The following RBM47 variants were observed in gnomAD, a reference collection of about 807,000 sequenced individuals.
RBM47 encodes RNA-binding protein 47.
Under a neutral mutation model 47.1 loss-of-function variants are expected in RBM47, and 21 were observed. The observed-to-expected ratio is 0.45, with a 90% confidence interval of 0.32 to 0.64. The LOEUF (loss-of-function observed/expected upper bound fraction) is 0.64, where lower values mean the gene tolerates loss of function less well. Among genes scored for constraint, RBM47 ranks in the 30% least tolerant of loss-of-function variants. RBM47 has a pLI of 0.05. For missense variants in RBM47, 708 were observed against 870.9 expected (o/e 0.81, Z 2.35); for synonymous variants, 375 against 361.7 (o/e 1.04, Z -0.42).
At chr4:40,469,650 G>GTT (rs1264747709) in intron 2 of RBM47, among the ~76,000 whole-genome samples, 3 of 150,474 alleles carry the variant, frequency 2.0e-5, no homozygotes, top group Non-Finnish European at 4.4e-5. Flanking sequence ...TGTGTTTGGA[G>GTT]TTATTCTGGA....
chr4:40,619,756 G>A (rs1252171990), intron 1 of RBM47, among the ~76,000 whole-genome samples: 1 of 152,188 alleles, frequency 6.6e-6, no homozygotes, highest in African/African-American at 2.4e-5. Context: ...CTACTATTGT[G>A]TAGTACCTGT....
chr4:40,534,268 G>A lies in RBM47; in HGVS notation c.-155+10154C>T, dbSNP rs746426725. On this transcript the variant is annotated intron_variant, in intron 2 of 6. Coordinates refer to ENST00000295971, the MANE Select transcript of RBM47 (RefSeq NM_001098634.2). Reference sequence around the variant, plus strand: ...GGCCTGAGCCACCATGCCTAGCCTGGTAATTTTTTAAAATTCACAACATGA... The same window carrying A: ...GGCCTGAGCCACCATGCCTAGCCTGATAATTTTTTAAAATTCACAACATGA... 6.1e-4 allele frequency among the ~76,000 whole-genome samples: 92 copies of A among 151,880 alleles called. No individual in the cohort carries two copies. In the Middle Eastern group the frequency reaches 0.01, roughly 17 times the overall value.
chr4:40,536,634 G>T (rs958518274), intron 2 of RBM47, among the ~76,000 whole-genome samples: 1 of 151,886 alleles, frequency 6.6e-6, no homozygotes, highest in African/African-American at 2.4e-5. Context: ...GTAGGTAATT[G>T]TCTGCTTCCC....
At chr4:40,582,738 C>G (rs1448173032) in intron 1 of RBM47, among the ~76,000 whole-genome samples, 4 of 152,114 alleles carry the variant, frequency 2.6e-5, no homozygotes, top group Admixed American at 6.6e-5. Context: ...TTGCACTGAG[C>G]CCTCTACCTG....
At chr4:40,589,873 G>C (rs1352570352) in intron 1 of RBM47, among the ~76,000 whole-genome samples, 1 of 152,176 alleles carries the variant, frequency 6.6e-6, no homozygotes, top group Non-Finnish European at 1.5e-5. Context: ...TAAGTACCTG[G>C]AGGGGCAACA....
At chr4:40,516,052 C>G (rs1280140196) in intron 2 of RBM47, 5 of 152,480 alleles carry the variant, frequency 3.3e-5, no homozygotes, top group African/African-American at 1.2e-4. Context: ...CCTCCCCGCC[C>G]CCCAGCCCTG....
At chr4:40,461,443 T>G (rs566319404) in intron 3 of RBM47, among the ~76,000 whole-genome samples, 1 of 152,350 alleles carries the variant, frequency 6.6e-6, no homozygotes, top group South Asian at 2.1e-4. Flanking sequence ...GTCTGTCTTA[T>G]CCCATCCTAC....
At chr4:40,466,779 G>GC (rs1447793534) in intron 2 of RBM47, 80 bp from the exon 3 acceptor site, 6 of 110,732 alleles carry the variant, frequency 5.4e-5, no homozygotes, top group Admixed American at 1.1e-4. Context: ...ATTGGGGGGG[G>GC]GGGGGCAGAT....
At chr4:40,594,485 G>A (rs1734574238) in intron 1 of RBM47, among the ~76,000 whole-genome samples, 1 of 144,912 alleles carries the variant, frequency 6.9e-6, no homozygotes, top group Admixed American at 7.2e-5. Flanking sequence ...TCTTACTGGG[G>A]AGGAGCATAT....
chr4:40,451,897 C>T (rs1715498386), intron 3 of RBM47, among the ~76,000 whole-genome samples: 1 of 152,148 alleles, frequency 6.6e-6, no homozygotes, highest in South Asian at 2.1e-4. Flanking sequence ...AGGCCAGGAA[C>T]AGTGGCTCAT....
intron 2 of RBM47, chr4:40,514,896 C>A (rs1016023160): frequency 5.3e-5 from 8 of 151,820 alleles, no homozygotes; most frequent in African/African-American, 1.9e-4. Flanking sequence ...TGTTCTAATC[C>A]TCAAACAAGT....
chr4:40,501,450 A>G (rs1463288802), intron 2 of RBM47, among the ~76,000 whole-genome samples: 1 of 152,274 alleles, frequency 6.6e-6, no homozygotes, highest in African/African-American at 2.4e-5. Context: ...CATCTAGGCC[A>G]GTGCCATCCA....
At chr4:40,557,218 T>G (rs747521124) in intron 1 of RBM47, among the ~76,000 whole-genome samples, 1 of 152,114 alleles carries the variant, frequency 6.6e-6, no homozygotes. Flanking sequence ...CAGGGAAGCC[T>G]TCCCCAATGC....
chr4:40,534,510 G>T (rs1727727422), intron 2 of RBM47, among the ~76,000 whole-genome samples: 2 of 149,966 alleles, frequency 1.3e-5, no homozygotes, highest in African/African-American at 4.9e-5. Context: ...TAGATTCCAT[G>T]ATTTTCAATG....
chr4:40,627,932 C>T (rs1052596987), intron 1 of RBM47, among the ~76,000 whole-genome samples: 3 of 152,174 alleles, frequency 2.0e-5, no homozygotes, highest in African/African-American at 7.2e-5. Flanking sequence ...CTCAATCCTA[C>T]AAACTTCTGT....
At chr4:40,501,833 A>G (rs1266346714) in intron 2 of RBM47, among the ~76,000 whole-genome samples, 1 of 152,218 alleles carries the variant, frequency 6.6e-6, no homozygotes, top group Admixed American at 6.5e-5. Flanking sequence ...ATGTGTGATC[A>G]ACTTTTCTCA....
At chr4:40,490,651 C>CACTACTCAGGAGGCT in intron 2 of RBM47, among the ~76,000 whole-genome samples, 1 of 151,432 alleles carries the variant, frequency 6.6e-6, no homozygotes, top group African/African-American at 2.4e-5. Context: ...GGCGCCTGGC[C>CACTACTCAGGAGGCT]GAGACATAAG....
At chr4:40,501,822 A>C (rs1204520767) in intron 2 of RBM47, among the ~76,000 whole-genome samples, 1 of 152,214 alleles carries the variant, frequency 6.6e-6, no homozygotes, top group African/African-American at 2.4e-5. Context: ...CACTATTAGA[A>C]ATGTGTGATC....
chr4:40,423,712 CT>C lies in RBM47; in HGVS notation c.*2191del, dbSNP rs36086958. ...TCTTTCTTTCTTTCTTTCTTTCTTT[CT>C]TTTCTTTCTTTTCTTTCTTCCTCTT... On this transcript the variant is annotated 3_prime_UTR_variant, in exon 7 of 7. Coordinates refer to ENST00000295971, the MANE Select transcript of RBM47 (RefSeq NM_001098634.2). 1,398 of 51,406 alleles carry C rather than the reference CT, an allele frequency of 0.027. 28 individuals are homozygous for C. The highest frequency in any genetic ancestry group is 0.099 in the African/African-American group (898 of 9,110). 3.2% of individuals were successfully genotyped at this position (51,406 alleles called of 1,614,324 possible).
Sources: allele counts gnomAD v4.1 joint callset (sites outside exome capture counted in the v4.1 genomes callset), GRCh38; gene constraint gnomAD v4.1.1; transcripts MANE v1.5; gene names NCBI Gene and HGNC (gene_info 2026-07-23, HGNC 2026-07-21).